The following GRAMD1B variants were observed in gnomAD, a reference collection of about 807,000 sequenced individuals.
The protein encoded by GRAMD1B is protein Aster-B.
In GRAMD1B, 37 loss-of-function variants were observed where a neutral mutation model predicts 99.7. The observed-to-expected ratio is 0.37, with a 90% confidence interval of 0.29 to 0.49. The LOEUF (loss-of-function observed/expected upper bound fraction) is 0.49. GRAMD1B is among the 20% of genes least tolerant of loss of function. The pLI is 0.98. For missense variants in GRAMD1B, 888 were observed against 1,009.2 expected (o/e 0.88, Z 1.63); for synonymous variants, 427 against 387.6 (o/e 1.10, Z -1.19).
At chr11:123,390,408 C>A (rs1413587498) in intron 1 of GRAMD1B, among the ~76,000 whole-genome samples, 1 of 152,204 alleles carries the variant, frequency 6.6e-6, no homozygotes, top group African/African-American at 2.4e-5. Context: ...CATCACCCTG[C>A]TCCTTGAATC....
At chr11:123,415,731 T>C (rs571284872) in intron 1 of GRAMD1B, among the ~76,000 whole-genome samples, 63 of 152,334 alleles carry the variant, frequency 4.1e-4, no homozygotes, top group African/African-American at 1.3e-3. Context: ...GCGACTCTCC[T>C]GTTAGTCTAC....
chr11:123,548,367 CACACACACACACACACACACCCAG>C (rs1945289532), intron 2 of GRAMD1B, among the ~76,000 whole-genome samples: 1 of 87,564 alleles, frequency 1.1e-5, no homozygotes, highest in African/African-American at 4.5e-5. Context: ...TATATATGTA[CACACACACACACACACACACCCAG>C]ACAGGACCTG....
At position 123,506,691 on chromosome 11, in the gene GRAMD1B, G is replaced by C. The variant is rs372967006; in HGVS notation, c.452+25798G>C. On this transcript the variant is annotated intron_variant, in intron 2 of 19. Coordinates refer to ENST00000635736, the MANE Select transcript of GRAMD1B (RefSeq NM_001387025.1). ...ATTTAGATCAAGTCCTTTCTGGTTA[G>C]TAGCAGCAGAGGTAGGGATTCAATG... Among the ~76,000 whole-genome samples the C allele has an allele frequency of 7.2e-5, 11 of 152,338 alleles. 1 individual carries two copies. Among genetic ancestry groups the C allele is most frequent in the Admixed American group, 3.9e-4 (6 of 15,300 alleles).
At chr11:123,589,755 C>G (rs1015558953) in intron 4 of GRAMD1B, among the ~76,000 whole-genome samples, 2 of 152,040 alleles carry the variant, frequency 1.3e-5, no homozygotes, top group East Asian at 1.9e-4. Flanking sequence ...AGCCACTGTG[C>G]CCAGCCTGGA....
At chr11:123,363,502 T>C (rs17127284) in intron 1 of GRAMD1B, among the ~76,000 whole-genome samples, 27,954 of 152,142 alleles carry the variant, frequency 0.18, 5,751 homozygotes, top group African/African-American at 0.51. Context: ...GGCTTGTTAG[T>C]AGGAAGAACC....
At chr11:123,547,291 G>C (rs1945118974) in intron 2 of GRAMD1B, among the ~76,000 whole-genome samples, 1 of 152,204 alleles carries the variant, frequency 6.6e-6, no homozygotes, top group Non-Finnish European at 1.5e-5. Flanking sequence ...GATGTCCCTG[G>C]TGGTTTCCAG....
chr11:123,381,197 G>A (rs993402051), intron 1 of GRAMD1B, among the ~76,000 whole-genome samples: 41 of 152,116 alleles, frequency 2.7e-4, no homozygotes, highest in African/African-American at 5.3e-4. Flanking sequence ...TGCTTCAGGA[G>A]CCCCCAGAAC....
At chr11:123,470,346 T>G (rs563124477) in intron 1 of GRAMD1B, among the ~76,000 whole-genome samples, 2 of 152,152 alleles carry the variant, frequency 1.3e-5, no homozygotes, top group African/African-American at 4.8e-5. Context: ...GCAGCTCATA[T>G]TTTTTTTCTT....
chr11:123,391,129 C>A (rs1192018955), intron 1 of GRAMD1B, among the ~76,000 whole-genome samples: 1 of 152,066 alleles, frequency 6.6e-6, no homozygotes, highest in Non-Finnish European at 1.5e-5. Flanking sequence ...TTCACATTAG[C>A]TATTTCAGAT....
At chr11:123,577,603 A>T in intron 3 of GRAMD1B, 26 bp downstream of exon 3, 1 of 1,533,736 alleles carries the variant, frequency 6.5e-7, no homozygotes, top group Non-Finnish European at 8.9e-7. Flanking sequence ...TTGAGGCGGT[A>T]CCTCCTTGTC....
chr11:123,490,129 A>T (rs928512113), intron 2 of GRAMD1B, among the ~76,000 whole-genome samples: 2 of 152,224 alleles, frequency 1.3e-5, no homozygotes, highest in African/African-American at 4.8e-5. Context: ...AATATTAAAC[A>T]CAATTGAGAA....
chr11:123,572,833 G>T (rs3020905), intron 2 of GRAMD1B, among the ~76,000 whole-genome samples: 30,148 of 144,462 alleles, frequency 0.21, 1,243 homozygotes, highest in South Asian at 0.35. Flanking sequence ...GGGCAGGGGC[G>T]CAGGTAGGCC....
intron 2 of GRAMD1B, among the ~76,000 whole-genome samples, chr11:123,550,507 G>A (rs1424560700): frequency 1.3e-5 from 2 of 152,158 alleles, no homozygotes; most frequent in Admixed American, 6.5e-5. Flanking sequence ...TTTTCACGCC[G>A]TGAGCCCTGC....
chr11:123,512,238 C>T (rs545092061), intron 2 of GRAMD1B, among the ~76,000 whole-genome samples: 7 of 152,194 alleles, frequency 4.6e-5, no homozygotes, highest in Admixed American at 2.0e-4. Flanking sequence ...CTGGTGGGAA[C>T]GCTGCTGTCT....
intron 2 of GRAMD1B, among the ~76,000 whole-genome samples, chr11:123,484,666 C>T (rs1040378321): frequency 3.9e-5 from 6 of 151,966 alleles, no homozygotes; most frequent in African/African-American, 1.5e-4. Context: ...TGTGACCGGC[C>T]CCCCCTCCAA....
chr11:123,435,490 C>A (rs1345976302), intron 1 of GRAMD1B: 1 of 700,690 alleles, frequency 1.4e-6, no homozygotes, highest in Non-Finnish European at 2.6e-6. Context: ...GATTAGGAGA[C>A]CCTTTTCTTC....
intron 1 of GRAMD1B, among the ~76,000 whole-genome samples, chr11:123,370,213 G>A (rs1161527140): frequency 6.6e-6 from 1 of 151,788 alleles, no homozygotes; most frequent in East Asian, 1.9e-4. Context: ...CTACTTGAGA[G>A]GCTGAGGTGG....
intron 12 of GRAMD1B, 34 bp from the exon 13 acceptor site, chr11:123,609,761 C>T (rs1953283200): frequency 8.1e-7 from 1 of 1,227,390 alleles, no homozygotes; most frequent in South Asian, 1.3e-5. Context: ...CTCTGCCCTC[C>T]CTTCCTCATT....
chr11:123,577,222 C>G, intron 2 of GRAMD1B, 145 bp from the exon 3 acceptor site: 1 of 697,932 alleles, frequency 1.4e-6, no homozygotes, highest in East Asian at 2.7e-5. Flanking sequence ...CAGCCTGGGC[C>G]CCTCTCTCCC....
Sources: gnomAD v4.1 joint callset for allele counts (sites outside exome capture counted in the v4.1 genomes callset) on GRCh38, gnomAD v4.1.1 for gene constraint, MANE v1.5 for transcripts, NCBI Gene and HGNC (gene_info 2026-07-23, HGNC 2026-07-21) for gene names.